PTGER4: variants seen among roughly 807,000 people sequenced by gnomAD.
PTGER4 encodes the protein prostaglandin E2 receptor EP4 subtype.
PTGER4 carries 11 observed loss-of-function variants against 33.2 expected under a neutral mutation model. The observed-to-expected ratio is 0.33, with a 90% CI of 0.21 to 0.55. The LOEUF (loss-of-function observed/expected upper bound fraction) is 0.55. Ranked by LOEUF, PTGER4 falls within the 20% of genes least tolerant of loss-of-function variation. PTGER4 has a pLI of 0.92. For synonymous variants in PTGER4, 275 were observed against 281.5 expected, an observed-to-expected ratio of 0.98 and a Z score of 0.23; for missense variants, 481 against 650.2, an observed-to-expected ratio of 0.74 and a Z score of 2.83.
the PTGER4 span, among the ~76,000 whole-genome samples, chr5:40,710,577 G>T: frequency 1.3e-5 from 2 of 152,162 alleles, no homozygotes; most frequent in Non-Finnish European, 2.9e-5. Context: ...CCATTACTGG[G>T]TATATAACCA....
At chr5:40,699,934 G>A in the PTGER4 span, among the ~76,000 whole-genome samples, 30 of 78,706 alleles carry the variant, frequency 3.8e-4, no homozygotes, top group East Asian at 2.2e-3. Flanking sequence ...CAGTTTGTGT[G>A]TACTGAAAGT....
the PTGER4 span, chr5:40,728,342 C>T: frequency 2.0e-6 from 3 of 1,523,482 alleles, no homozygotes; most frequent in Admixed American, 3.9e-5. Context: ...CTGACTTCCT[C>T]ACCAGGATTA....
intron 2 of PTGER4, among the ~76,000 whole-genome samples, chr5:40,687,479 T>G (rs1048171403): frequency 6.6e-6 from 1 of 152,178 alleles, no homozygotes; most frequent in Non-Finnish European, 1.5e-5. Flanking sequence ...TTTCACCCCC[T>G]CACGAGACAT....
downstream of PTGER4, chr5:40,693,808 C>T: frequency 1.4e-6 from 1 of 738,610 alleles, no homozygotes; most frequent in Non-Finnish European, 1.7e-6. Flanking sequence ...CATCTATATC[C>T]TTTTATATAT....
chr5:40,741,639 C>T, the PTGER4 span, among the ~76,000 whole-genome samples: 1 of 152,168 alleles, frequency 6.6e-6, no homozygotes, highest in East Asian at 1.9e-4. Context: ...CCACTGTGGT[C>T]TATCTGGTTT....
chr5:40,739,375 CAATCT>C, the PTGER4 span, among the ~76,000 whole-genome samples: 1 of 152,270 alleles, frequency 6.6e-6, no homozygotes, highest in South Asian at 2.1e-4. Context: ...TACTATCTTC[CAATCT>C]ATGAGCATTG....
chr5:40,711,820 A>G, the PTGER4 span, among the ~76,000 whole-genome samples: 1 of 152,132 alleles, frequency 6.6e-6, no homozygotes, highest in African/African-American at 2.4e-5. Context: ...TGCATATTAT[A>G]TGGCCTATTT....
Position 40,681,197 on chromosome 5 carries a change from C to T in PTGER4, c.204C>T (p.Gly68=), listed in dbSNP as rs1250766507. 6.2e-7 allele frequency: 1 copy of T among 1,614,148 alleles called. No homozygotes were observed. The highest frequency in any genetic ancestry group is 1.3e-5 in the African/African-American group (1 of 75,038). ...VCGLAVTDLL[G]TLLVSPVTIA... ...GGCTGGCTGTCACCGACCTGTTGGG[C>T]ACTTTGTTGGTGAGCCCGGTGACCA... Residue 68 remains glycine, a synonymous_variant, in exon 2 of 3, where the codon GGC becomes GGT. Coordinates refer to ENST00000302472, the MANE Select transcript of PTGER4 (RefSeq NM_000958.3). This position sits in a 1 kb window ranked among gnomAD's most constrained non-coding sequence, Gnocchi z 9.8.
chr5:40,729,231 A>T, the PTGER4 span, among the ~76,000 whole-genome samples: 1 of 152,238 alleles, frequency 6.6e-6, no homozygotes, highest in Non-Finnish European at 1.5e-5. Flanking sequence ...CTTGATTCAG[A>T]TGACATAATT....
At position 40,692,876 on chromosome 5, in the gene PTGER4, T is replaced by C. The variant is rs745598916; in HGVS notation, c.*498T>C. ...TTTTCTTCTCTGTGAGAAGGTTTAT[T>C]GTTAATACAAGGTATAATAAAATTA... On this transcript the variant is annotated 3_prime_UTR_variant, in exon 3 of 3. Transcript: ENST00000302472. 12 of 983,968 alleles carry C rather than the reference T, an allele frequency of 1.2e-5. No homozygotes were observed. The highest frequency in any genetic ancestry group is 1.3e-5 in the Non-Finnish European group (11 of 828,096). The allele number at this position is 983,968 out of a possible 1,614,324, so 61.0% of individuals were successfully genotyped here. A position where few individuals can be genotyped will look rare whatever the true frequency, so the allele number is the denominator to read the frequency against.
chr5:40,743,819 A>G, the PTGER4 span, among the ~76,000 whole-genome samples: 5 of 152,204 alleles, frequency 3.3e-5, no homozygotes, highest in Admixed American at 6.5e-5. Context: ...CAGTATATAC[A>G]TTACTCAAAA....
At chr5:40,707,066 T>C in the PTGER4 span, among the ~76,000 whole-genome samples, 3 of 152,290 alleles carry the variant, frequency 2.0e-5, no homozygotes, top group Non-Finnish European at 2.9e-5. Flanking sequence ...TACCAGCCAC[T>C]GCAAAAACAT....
the PTGER4 span, among the ~76,000 whole-genome samples, chr5:40,727,518 C>T: frequency 6.6e-6 from 1 of 152,210 alleles, no homozygotes; most frequent in Non-Finnish European, 1.5e-5. Context: ...GTAAACATTA[C>T]ACAATGAGTA....
In PTGER4 at chr5:40,681,185, C is replaced by A. The variant is rs761386960; in HGVS notation, c.192C>A (p.Thr64=). The A allele has an allele frequency of 2.7e-5, 44 of 1,614,034 alleles. No individual in the cohort carries two copies. Among genetic ancestry groups the A allele is most frequent in the Middle Eastern group, 3.3e-4 (2 of 6,084 alleles). ...CGCTGGTATGTGGGCTGGCTGTCAC[C>A]GACCTGTTGGGCACTTTGTTGGTGA... ...FYTLVCGLAV[T]DLLGTLLVSP... The change falls in exon 2 of 3, where the codon ACC becomes ACA. Residue 64 remains threonine, a synonymous_variant. Transcript: ENST00000302472. The surrounding 1 kb of genome is among the most constrained non-coding windows in gnomAD (Gnocchi z 9.8).
At chr5:40,712,606 G>C in the PTGER4 span, among the ~76,000 whole-genome samples, 1 of 152,166 alleles carries the variant, frequency 6.6e-6, no homozygotes, top group African/African-American at 2.4e-5. Flanking sequence ...CAGAGGCAAA[G>C]AACTTTCACT....
At chr5:40,725,145 G>A in the PTGER4 span, among the ~76,000 whole-genome samples, 1 of 150,386 alleles carries the variant, frequency 6.6e-6, no homozygotes, top group African/African-American at 2.5e-5. Flanking sequence ...ACCATGCCCA[G>A]CCAAATTTTT....
the PTGER4 span, among the ~76,000 whole-genome samples, chr5:40,718,062 C>CAA: frequency 1.8e-3 from 243 of 132,956 alleles, no homozygotes; most frequent in Non-Finnish European, 3.1e-3. Context: ...AACTCCGTCT[C>CAA]AAAAAAAAAA....
At chr5:40,705,540 C>G in the PTGER4 span, among the ~76,000 whole-genome samples, 167 of 152,168 alleles carry the variant, frequency 1.1e-3, 1 homozygote, top group East Asian at 0.026. Context: ...AAATAGACAA[C>G]CTAAAGAATG....
intron 2 of PTGER4, among the ~76,000 whole-genome samples, chr5:40,688,223 G>T (rs45446993): frequency 1.3e-5 from 2 of 152,084 alleles, no homozygotes; most frequent in African/African-American, 4.8e-5. Context: ...TCTCAGAAAC[G>T]TCAGGTTCAG....
Sources: allele counts gnomAD v4.1 joint callset (sites outside exome capture counted in the v4.1 genomes callset), GRCh38; gene constraint gnomAD v4.1.1; non-coding constraint Gnocchi (gnomAD v3.1); transcripts MANE v1.5; gene names NCBI Gene and HGNC (gene_info 2026-07-23, HGNC 2026-07-21).